PLXNA4: variants seen among roughly 807,000 people sequenced by gnomAD.
The protein encoded by PLXNA4 is plexin-A4.
PLXNA4 carries 44 observed loss-of-function variants against 191.8 expected under a neutral mutation model. The ratio of observed to expected loss-of-function variants is 0.23; its 90% CI spans 0.18 to 0.29. PLXNA4 has a LOEUF of 0.29. Among genes scored for constraint, PLXNA4 ranks in the 10% least tolerant of loss-of-function variants. The pLI is 1.00. For missense variants in PLXNA4, 1,800 were observed against 2,488.8 expected (o/e 0.72, Z 5.89); for synonymous variants, 1,082 against 1,009.5 (o/e 1.07, Z -1.36).
chr7:132,398,732 C>A (rs906053091), intron 3 of PLXNA4, among the ~76,000 whole-genome samples: 5 of 152,254 alleles, frequency 3.3e-5, no homozygotes, highest in African/African-American at 1.2e-4. Flanking sequence ...TGAGCATCAG[C>A]TGCCGGCAGG....
At chr7:132,422,074 G>A (rs1041535212) in intron 3 of PLXNA4, among the ~76,000 whole-genome samples, 1 of 152,194 alleles carries the variant, frequency 6.6e-6, no homozygotes, top group African/African-American at 2.4e-5. Context: ...ACAGAAAAAC[G>A]GTTATACTCT....
chr7:132,384,995 C>A, intron 3 of PLXNA4: 2 of 1,390,580 alleles, frequency 1.4e-6, no homozygotes, highest in Non-Finnish European at 1.9e-6. Context: ...AGAAAAGAGA[C>A]CAACTACCTA....
At chr7:132,192,155 T>A (rs1227544075) in intron 14 of PLXNA4, among the ~76,000 whole-genome samples, 1 of 152,214 alleles carries the variant, frequency 6.6e-6, no homozygotes, top group African/African-American at 2.4e-5. Flanking sequence ...CACGTTTCTC[T>A]AAGGTTTGGC....
intron 2 of PLXNA4, among the ~76,000 whole-genome samples, chr7:132,493,604 A>C (rs1385412460): frequency 6.6e-6 from 1 of 152,132 alleles, no homozygotes; most frequent in Admixed American, 6.5e-5. Context: ...CTATGAGCTC[A>C]AGGACAGGGG....
At chr7:132,463,658 AT>A in intron 3 of PLXNA4, among the ~76,000 whole-genome samples, 1 of 152,228 alleles carries the variant, frequency 6.6e-6, no homozygotes, top group East Asian at 1.9e-4. Context: ...CACTGCTATT[AT>A]TTTTTAATCT....
intron 4 of PLXNA4, among the ~76,000 whole-genome samples, chr7:132,286,512 C>T (rs991005701): frequency 1.3e-5 from 2 of 152,176 alleles, no homozygotes; most frequent in Admixed American, 1.3e-4. Flanking sequence ...GACCTGCCAG[C>T]GCTTTCCTTA....
At chr7:132,581,884 CAACA>C (rs558874117), upstream of PLXNA4, among the ~76,000 whole-genome samples, 8 of 152,272 alleles carry the variant, frequency 5.3e-5, no homozygotes, top group South Asian at 2.1e-4. Flanking sequence ...CTAACAAAAA[CAACA>C]AACAAACAAA....
intron 3 of PLXNA4, among the ~76,000 whole-genome samples, chr7:132,473,491 G>A (rs1178644892): frequency 6.6e-6 from 1 of 152,180 alleles, no homozygotes; most frequent in Non-Finnish European, 1.5e-5. Context: ...TGTGAAGAAG[G>A]AAGGTATGAA....
intron 4 of PLXNA4, among the ~76,000 whole-genome samples, chr7:132,284,803 C>A (rs889276084): frequency 2.0e-5 from 3 of 152,188 alleles, no homozygotes; most frequent in African/African-American, 7.2e-5. Context: ...AAACCTCCCC[C>A]TTCCAGGTTC....
chr7:132,214,786 G>A (rs1380363728), intron 9 of PLXNA4, among the ~76,000 whole-genome samples: 1 of 152,138 alleles, frequency 6.6e-6, no homozygotes, highest in Non-Finnish European at 1.5e-5. Context: ...GTAACTGTGA[G>A]AACAAGTCTG....
intron 2 of PLXNA4, among the ~76,000 whole-genome samples, chr7:132,506,288 A>T (rs976499995): frequency 2.0e-5 from 3 of 152,184 alleles, no homozygotes; most frequent in Non-Finnish European, 2.9e-5. Flanking sequence ...TCTGCCTGGC[A>T]CATAGTTATA....
chr7:132,550,993 C>T (rs78662028), intron 1 of PLXNA4, among the ~76,000 whole-genome samples: 2,111 of 152,290 alleles, frequency 0.014, 49 homozygotes, highest in African/African-American at 0.047. Flanking sequence ...CTCGGTCCTC[C>T]GTGCCCCTCA....
In PLXNA4 at chr7:132,647,787, CAT is replaced by C. The variant is rs1482869810; in HGVS notation, c.-203+725_-203+726del. On this transcript the variant is annotated intron_variant, in intron 1 of 4. Transcript: ENST00000378539. ...ACTCACAAACACTATCATATACACA[CAT>C]ATACACACACAGTCACACACATACA... Among the ~76,000 whole-genome samples, 6 of 151,722 alleles carry C rather than the reference CAT, an allele frequency of 4.0e-5. No homozygotes were observed. The South Asian group carries it at 8.3e-4, about 21-fold the overall frequency.
At chr7:132,165,278 G>A (rs1000657961) in intron 22 of PLXNA4, 78 bp from the exon 23 acceptor site, 2 of 1,544,192 alleles carry the variant, frequency 1.3e-6, no homozygotes, top group Non-Finnish European at 1.8e-6. Flanking sequence ...GGCTGGGAAG[G>A]GCAAGGGAGG....
At chr7:132,408,620 C>T (rs1367770259) in intron 3 of PLXNA4, among the ~76,000 whole-genome samples, 1 of 152,108 alleles carries the variant, frequency 6.6e-6, no homozygotes, top group Non-Finnish European at 1.5e-5. Flanking sequence ...CGTGCCACCA[C>T]ATCTGGCTAA....
At chr7:132,201,703 A>G (rs1797440385) in intron 12 of PLXNA4, among the ~76,000 whole-genome samples, 1 of 152,212 alleles carries the variant, frequency 6.6e-6, no homozygotes, top group South Asian at 2.1e-4. Flanking sequence ...GTGGAGAGAG[A>G]GATGCAGCCC....
intron 10 of PLXNA4, among the ~76,000 whole-genome samples, chr7:132,204,899 T>C (rs971766553): frequency 1.1e-4 from 16 of 152,218 alleles, no homozygotes; most frequent in Non-Finnish European, 1.8e-4. Context: ...CGGGGGGATG[T>C]ACCTCCAGCC....
At chr7:132,465,094 C>G (rs934280100) in intron 3 of PLXNA4, among the ~76,000 whole-genome samples, 2 of 152,182 alleles carry the variant, frequency 1.3e-5, no homozygotes, top group Non-Finnish European at 2.9e-5. Context: ...CTTTCATTCC[C>G]TCCACCACTT....
intron 3 of PLXNA4, among the ~76,000 whole-genome samples, chr7:132,419,166 T>A (rs961229792): frequency 1.3e-5 from 2 of 152,164 alleles, no homozygotes. Flanking sequence ...GAAACCTTCC[T>A]CTTTAAGTGG....
Sources: allele counts gnomAD v4.1 joint callset (sites outside exome capture counted in the v4.1 genomes callset), GRCh38; gene constraint gnomAD v4.1.1; transcripts MANE v1.5; gene names NCBI Gene and HGNC (gene_info 2026-07-23, HGNC 2026-07-21).